The following RNF43 variants were observed in gnomAD, a reference collection of about 807,000 sequenced individuals.
The protein encoded by RNF43 is E3 ubiquitin-protein ligase RNF43.
RNF43 carries 37 observed loss-of-function variants against 78.4 expected under a neutral mutation model. The observed-to-expected ratio is 0.47, with a 90% CI of 0.36 to 0.62. RNF43 has a LOEUF of 0.62. Ranked by LOEUF, RNF43 falls within the 20% of genes least tolerant of loss-of-function variation. The pLI is 0.00. For synonymous variants in RNF43, 347 were observed against 395.0 expected (o/e 0.88, Z 1.44); for missense variants, 774 against 1,007.9 (o/e 0.77, Z 3.14).
chr17:58,405,574 G>A (rs1973887737), intron 2 of RNF43, among the ~76,000 whole-genome samples: 1 of 152,072 alleles, frequency 6.6e-6, no homozygotes, highest in Middle Eastern at 3.4e-3. Context: ...AGAGCTTTGG[G>A]AGGCAGAAGT....
At chr17:58,371,507 C>A (rs1401934719) in intron 2 of RNF43, among the ~76,000 whole-genome samples, 1 of 152,252 alleles carries the variant, frequency 6.6e-6, no homozygotes, top group East Asian at 1.9e-4. Flanking sequence ...TGCCTCCTGC[C>A]TCCTCGGGAT....
At position 58,354,578 on chromosome 17, in the gene RNF43, G is replaced by T. The variant is rs1972644718; in HGVS notation, c.*365C>A. 1 of 384,828 alleles carries T rather than the reference G, an allele frequency of 2.6e-6. No homozygotes were observed. Among genetic ancestry groups the T allele is most frequent in the Non-Finnish European group, 5.0e-6 (1 of 201,084 alleles). The allele number at this position is 384,828 out of a possible 1,614,324, so 23.8% of individuals were successfully genotyped here. The stretch of plus-strand genomic sequence containing the variant: ...TGAGGCTTGGGGTGAGGGAAACCAA[G>T]TAGGGGTTGGAGAAGGAGCAGCACC... On this transcript the variant is annotated 3_prime_UTR_variant, in exon 10 of 10. Transcript: ENST00000407977.
At position 58,358,184 on chromosome 17, in the gene RNF43, C is replaced by T. The variant is rs148619997; in HGVS notation, c.1592G>A (p.Arg531His). The T allele has an allele frequency of 1.6e-4, 256 of 1,612,238 alleles. 1 individual carries two copies. In the African/African-American group the frequency reaches 1.7e-3, roughly 10 times the overall value. Residue 531 changes from arginine (R) to histidine (H), a missense_variant, in exon 9 of 10, where the codon CGT becomes CAT. Physicochemically the swap from Arg to His is conservative, Grantham distance 29. Transcript: ENST00000407977. This position sits in a 1 kb window ranked among gnomAD's most constrained non-coding sequence, Gnocchi z 6.2. ...DMQPSVTSRP[R>H]SLDSVVPTGE... Reference sequence around the variant, plus strand: ...TGTGGGCACCACCGAGTCCAAGGAACGAGGCCGAGAGGTCACACTAGGCTG... The same window carrying T: ...TGTGGGCACCACCGAGTCCAAGGAATGAGGCCGAGAGGTCACACTAGGCTG...
At position 58,360,035 on chromosome 17, in the gene RNF43, A is replaced by C; in HGVS notation, c.952+114T>G. The C allele has an allele frequency of 1.3e-6, 1 of 760,582 alleles. No homozygotes were observed. The highest frequency in any genetic ancestry group is 2.3e-6 in the Non-Finnish European group (1 of 425,592). The allele number at this position is 760,582 out of a possible 1,614,324, so 47.1% of individuals were successfully genotyped here. A position where few individuals can be genotyped will look rare whatever the true frequency, so the allele number is the denominator to read the frequency against. ...GGAGCAGTGTACAGCCCATACAACT[A>C]TGGTGGCAGTTCTGCTTTCTCCCCA... On this transcript the variant is annotated intron_variant, in intron 8 of 9. Transcript: ENST00000407977. This position sits in a 1 kb window ranked among gnomAD's most constrained non-coding sequence, Gnocchi z 4.3.
intron 2 of RNF43, among the ~76,000 whole-genome samples, chr17:58,390,153 C>A (rs1050995016): frequency 2.6e-5 from 4 of 152,000 alleles, no homozygotes; most frequent in Non-Finnish European, 5.9e-5. Context: ...AAGGTGGGAA[C>A]GAGACAAACC....
At position 58,415,069 on chromosome 17, in the gene RNF43, A is replaced by G. The variant is rs576176167; in HGVS notation, c.252+257T>C. Among the ~76,000 whole-genome samples the G allele has an allele frequency of 1.1e-4, 17 of 152,350 alleles. No homozygotes were observed. The South Asian group carries it at 2.7e-3, about 24-fold the overall frequency. ...TATCACTTGAAAAAAAGGTATTATTATGTCTATCTAAGTAGTTATGCAACA... is the reference window on the plus strand; with the variant it reads ...TATCACTTGAAAAAAAGGTATTATTGTGTCTATCTAAGTAGTTATGCAACA... On this transcript the variant is annotated intron_variant, in intron 2 of 9. Transcript: ENST00000407977.
At chr17:58,362,236 GTC>G (rs1972850211) in intron 6 of RNF43, among the ~76,000 whole-genome samples, 1 of 151,926 alleles carries the variant, frequency 6.6e-6, no homozygotes, top group Admixed American at 6.6e-5. Flanking sequence ...TCTGTTTATT[GTC>G]TGTTTTTTCC....
At position 58,357,391 on chromosome 17, in the gene RNF43, G is replaced by T. The variant is rs1311732774; in HGVS notation, c.2308+77C>A. ...TCTCAGCTTCCATCAACCCTTTGTT[G>T]GCTGACTTCACCTGTCCTGAAATAT... On this transcript the variant is annotated intron_variant, in intron 9 of 9. Coordinates refer to ENST00000407977, the MANE Select transcript of RNF43 (RefSeq NM_017763.6). This position sits in a 1 kb window ranked among gnomAD's most constrained non-coding sequence, Gnocchi z 4.5. 1 of 1,572,204 alleles carries T rather than the reference G, an allele frequency of 6.4e-7. No individual in the cohort carries two copies. Among genetic ancestry groups the T allele is most frequent in the Non-Finnish European group, 8.8e-7 (1 of 1,142,262 alleles).
rs766439784 is a variant in RNF43, at chr17:58,357,807, G to A, written c.1969C>T (p.Arg657Trp). Residue 657 changes from arginine (R) to tryptophan (W), a missense_variant, in exon 9 of 10, where the codon CGG (arginine) becomes TGG (tryptophan). Coordinates refer to ENST00000407977, the MANE Select transcript of RNF43 (RefSeq NM_017763.6). This position sits in a 1 kb window ranked among gnomAD's most constrained non-coding sequence, Gnocchi z 4.5. ...LSARHPQRKR[R>W]GGPSEPTPGS... ...GGGGTGGGCTCGGAGGGACCCCCCC[G>A]CCTTTTCCTCTGTGGGTGTCGGGCA... is the stretch of plus-strand genomic sequence containing the variant. 4.8e-5 allele frequency: 77 copies of A among 1,614,018 alleles called. No homozygotes were observed. The Middle Eastern group carries it at 4.9e-4, about 10-fold the overall frequency.
chr17:58,391,276 A>C (rs1326094249), intron 2 of RNF43, among the ~76,000 whole-genome samples: 3 of 152,168 alleles, frequency 2.0e-5, no homozygotes, highest in Non-Finnish European at 4.4e-5. Context: ...AATTCCAGAT[A>C]ATTCCTTTGC....
intron 2 of RNF43, among the ~76,000 whole-genome samples, chr17:58,402,994 T>A (rs1212229494): frequency 6.6e-6 from 1 of 151,782 alleles, no homozygotes; most frequent in Non-Finnish European, 1.5e-5. Flanking sequence ...AAAAAGGAGT[T>A]TTTTTGGGGT....
rs2143467283 is a variant in RNF43 at position 58,363,307 on chromosome 17, C to T, written c.550G>A (p.Val184Met). 1 of 1,614,116 alleles carries T rather than the reference C, an allele frequency of 6.2e-7. No individual in the cohort carries two copies. The highest frequency in any genetic ancestry group is 1.1e-5 in the South Asian group (1 of 91,084). Reference sequence around the variant, plus strand: ...GGGGGCTCCTTCAGCTCAATCCTCACATGGGCCTTTTGGTTCTTGTACACA... The same window carrying T: ...GGGGGCTCCTTCAGCTCAATCCTCATATGGGCCTTTTGGTTCTTGTACACA... The part of the protein sequence containing the change: ...EFVYKNQKAH[V>M]RIELKEPPAW... Residue 184 changes from valine (V) to methionine (M), a missense_variant, in exon 5 of 10, where the codon GTG (valine) becomes ATG (methionine). Val to Met is a conservative substitution (Grantham distance 21). Transcript: ENST00000407977.
At chr17:58,416,501 T>C (rs1327519615) in intron 1 of RNF43, 1 of 152,246 alleles carries the variant, frequency 6.6e-6, no homozygotes, top group Non-Finnish European at 1.5e-5. Context: ...ATTCTTGATT[T>C]TATTCTCCAG....
At chr17:58,410,452 A>G (rs964877567) in intron 2 of RNF43, among the ~76,000 whole-genome samples, 1 of 152,210 alleles carries the variant, frequency 6.6e-6, no homozygotes, top group Admixed American at 6.5e-5. Flanking sequence ...TAATTAATTA[A>G]TTGGATTTTC....
intron 3 of RNF43, among the ~76,000 whole-genome samples, chr17:58,366,170 A>G (rs1191480895): frequency 6.6e-6 from 1 of 152,230 alleles, no homozygotes; most frequent in Non-Finnish European, 1.5e-5. Flanking sequence ...TCTAAAGCAC[A>G]AAGGAATAGA....
At position 58,357,882 on chromosome 17, in the gene RNF43, T is replaced by C. The variant is rs1401545649; in HGVS notation, c.1894A>G (p.Ile632Val). 16 of 1,613,896 alleles carry C rather than the reference T, an allele frequency of 9.9e-6. No homozygotes were observed. Among genetic ancestry groups the C allele is most frequent in the East Asian group, 4.5e-5 (2 of 44,854 alleles). ...PAPGPVDASS[I>V]CPSTSSLFNL... ...AACAGACTGCTGGTACTGGGGCAGA[T>C]GCTGGAGGCGTCAACTGGGCCAGGG... Residue 632 changes from isoleucine (I) to valine (V), a missense_variant, in exon 9 of 10, where the codon ATC (isoleucine) becomes GTC (valine). Coordinates refer to ENST00000407977, the MANE Select transcript of RNF43 (RefSeq NM_017763.6). The surrounding 1 kb of genome is among the most constrained non-coding windows in gnomAD (Gnocchi z 4.5).
chr17:58,357,386 T>C lies in RNF43; in HGVS notation c.2308+82A>G, dbSNP rs757328978. The stretch of plus-strand genomic sequence containing the variant: ...ATCCTTCTCAGCTTCCATCAACCCT[T>C]TGTTGGCTGACTTCACCTGTCCTGA... On this transcript the variant is annotated intron_variant, in intron 9 of 9. Transcript: ENST00000407977. The surrounding 1 kb of genome is among the most constrained non-coding windows in gnomAD (Gnocchi z 4.5). 3.8e-6 allele frequency: 6 copies of C among 1,561,484 alleles called. No individual in the cohort carries two copies. In the South Asian group the frequency reaches 6.7e-5, roughly 17 times the overall value.
At chr17:58,372,668 ACAT>A (rs199787945) in intron 2 of RNF43, among the ~76,000 whole-genome samples, 1,699 of 152,358 alleles carry the variant, frequency 0.011, 15 homozygotes, top group Middle Eastern at 0.034. Flanking sequence ...GCATGCAAAC[ACAT>A]CGTGATGTTA....
chr17:58,402,987 A>C (rs1242378427), intron 2 of RNF43, among the ~76,000 whole-genome samples: 2 of 151,972 alleles, frequency 1.3e-5, no homozygotes, highest in Non-Finnish European at 2.9e-5. Flanking sequence ...TGGTTTAAAA[A>C]AGGAGTTTTT....
Sources: gnomAD v4.1 joint callset for allele counts (sites outside exome capture counted in the v4.1 genomes callset) on GRCh38, gnomAD v4.1.1 for gene constraint, Gnocchi (gnomAD v3.1) non-coding constraint, MANE v1.5 for transcripts, NCBI Gene and HGNC (gene_info 2026-07-23, HGNC 2026-07-21) for gene names.